Variants in CAPRIN1 observed in about 807,000 individuals in gnomAD.
The protein encoded by CAPRIN1 is cell cycle associated protein 1, also known as caprin-1.
In CAPRIN1, 29 loss-of-function variants were observed where a neutral mutation model predicts 100.9. The observed-to-expected ratio is 0.29, with a 90% CI of 0.21 to 0.39. The LOEUF (loss-of-function observed/expected upper bound fraction) is 0.39. CAPRIN1 is among the 10% of genes least tolerant of loss of function. The pLI, the probability that CAPRIN1 is intolerant of heterozygous loss-of-function variation, is 1.00. For missense variants in CAPRIN1, 795 were observed against 876.7 expected, an observed-to-expected ratio of 0.91 and a Z score of 1.18; for synonymous variants, 338 against 307.5, an observed-to-expected ratio of 1.10 and a Z score of -1.04.
Position 34,089,403 on chromosome 11 carries a change from G to C in CAPRIN1, c.1240G>C (p.Glu414Gln), listed in dbSNP as rs1851221397. 1 of 1,599,440 alleles carries C rather than the reference G, an allele frequency of 6.3e-7. No homozygotes were observed. The highest frequency in any genetic ancestry group is 8.5e-7 in the Non-Finnish European group (1 of 1,171,112). The change falls in exon 12 of 19, where the codon GAA becomes CAA. Residue 414 changes from glutamate to glutamine, a missense_variant. By Grantham distance (29) the Glu-to-Gln change is conservative. This residue lies in a region of CAPRIN1 where 648 missense variants were observed against 697.9 expected (regional missense o/e 0.93). Coordinates refer to ENST00000341394, the MANE Select transcript of CAPRIN1 (RefSeq NM_005898.5). The stretch of plus-strand genomic sequence containing the variant: ...TTTGGTCACCTTTGCAGTTCATTCT[G>C]AATCTAGACTTGCTCAGCCTAATCA... ...PQLVCPPVHS[E>Q]SRLAQPNQVP...
chr11:34,095,080 TG>T lies in CAPRIN1; in HGVS notation c.1706-1398del. Among the ~76,000 whole-genome samples the T allele has an allele frequency of 3.9e-5, 6 of 152,042 alleles. 1 individual carries two copies. The highest frequency in any genetic ancestry group is 3.9e-4 in the Admixed American group (6 of 15,244). On this transcript the variant is annotated intron_variant, in intron 15 of 18. Transcript: ENST00000341394. ...TGTATTTTGTTGTTGTTGTTGTTGT[TG>T]AGATGGGGTCTCACTGTGTTGCCCA...
At chr11:34,059,953 T>C (rs1850540261) in intron 2 of CAPRIN1, among the ~76,000 whole-genome samples, 1 of 147,786 alleles carries the variant, frequency 6.8e-6, no homozygotes, top group Non-Finnish European at 1.5e-5. Context: ...CTCAGCACTT[T>C]GGGAGGCTGA....
intron 18 of CAPRIN1, 178 bp from the exon 19 acceptor site, chr11:34,099,125 A>G (rs1345074448): frequency 4.2e-6 from 6 of 1,437,242 alleles, no homozygotes; most frequent in South Asian, 1.5e-5. Context: ...AACATGAGCA[A>G]ATTTGCGCAT....
At chr11:34,053,304 GA>G (rs1850373451) in intron 2 of CAPRIN1, 1 of 257,898 alleles carries the variant, frequency 3.9e-6, no homozygotes, top group Non-Finnish European at 6.1e-6. Flanking sequence ...GTGTCCCCCC[GA>G]GCCTCAGGCT....
chr11:34,061,406 T>A (rs1343508041), intron 2 of CAPRIN1, among the ~76,000 whole-genome samples: 1 of 151,752 alleles, frequency 6.6e-6, no homozygotes, highest in South Asian at 2.1e-4. Context: ...CCAGGTTTCA[T>A]CATGTTGCCC....
At chr11:34,073,030 A>T (rs894766508) in intron 4 of CAPRIN1, among the ~76,000 whole-genome samples, 2 of 152,090 alleles carry the variant, frequency 1.3e-5, no homozygotes, top group Non-Finnish European at 2.9e-5. Flanking sequence ...GTGTAAGTAC[A>T]CTCCATGTTT....
intron 15 of CAPRIN1, chr11:34,095,777 T>G (rs1234792645): frequency 6.6e-6 from 1 of 152,244 alleles, no homozygotes; most frequent in Non-Finnish European, 1.5e-5. Flanking sequence ...TAGAACTCTG[T>G]CCATTGTGGA....
At chr11:34,080,332 G>T (rs904868474) in intron 7 of CAPRIN1, among the ~76,000 whole-genome samples, 10 of 151,914 alleles carry the variant, frequency 6.6e-5, no homozygotes, top group Non-Finnish European at 1.5e-4. Flanking sequence ...TAAACTGATA[G>T]ATAGTTCTTT....
At position 34,099,449 on chromosome 11, in the gene CAPRIN1, A is replaced by G. The variant is rs1029154237; in HGVS notation, c.*82A>G. ...TATGTTACCAGAAGAGTTATTATCT[A>G]TTTGTTCTCCCTTTCAGGAAACTTA... On this transcript the variant is annotated 3_prime_UTR_variant, in exon 19 of 19. Transcript: ENST00000341394. 4 of 1,173,972 alleles carry G rather than the reference A, an allele frequency of 3.4e-6. No homozygotes were observed. The highest frequency in any genetic ancestry group is 1.5e-5 in the African/African-American group (1 of 66,256). 72.7% of individuals were successfully genotyped at this position (1,173,972 alleles called of 1,614,324 possible). A position where few individuals can be genotyped will look rare whatever the true frequency, so the allele number is the denominator to read the frequency against.
intron 4 of CAPRIN1, among the ~76,000 whole-genome samples, chr11:34,074,780 C>T (rs1310097782): frequency 1.3e-5 from 2 of 152,160 alleles, no homozygotes; most frequent in Admixed American, 6.5e-5. Context: ...GAGGCTGAGG[C>T]AGCAGAATTA....
At position 34,090,305 on chromosome 11, in the gene CAPRIN1, G is replaced by A. The variant is rs781770929; in HGVS notation, c.1404+16G>A. Reference sequence around the variant, plus strand: ...TCAGATTCAGGCAAGTTCTGTTACCGGGTCACATACATTTGATGAGGCACT... The same window carrying A: ...TCAGATTCAGGCAAGTTCTGTTACCAGGTCACATACATTTGATGAGGCACT... On this transcript the variant is annotated intron_variant, in intron 13 of 18. Coordinates refer to ENST00000341394, the MANE Select transcript of CAPRIN1 (RefSeq NM_005898.5). The A allele has an allele frequency of 6.5e-6, 10 of 1,537,010 alleles. No homozygotes were observed. The highest frequency in any genetic ancestry group is 2.2e-5 in the East Asian group (1 of 44,476).
At chr11:34,061,257 AGTAC>A (rs1850572209) in intron 2 of CAPRIN1, among the ~76,000 whole-genome samples, 1 of 122,822 alleles carries the variant, frequency 8.1e-6, no homozygotes, top group Non-Finnish European at 1.6e-5. Flanking sequence ...CCCAGGCTGG[AGTAC>A]AATGGCGCAA....
chr11:34,061,200 C>CTTTTTTTT (rs770158492), intron 2 of CAPRIN1, among the ~76,000 whole-genome samples: 2 of 102,836 alleles, frequency 1.9e-5, no homozygotes, highest in Admixed American at 1.0e-4. Flanking sequence ...AGGTAACATC[C>CTTTTTTTT]TTTTTTTTTT....
At position 34,086,296 on chromosome 11, in the gene CAPRIN1, A is replaced by G; in HGVS notation, c.1123-9A>G. The G allele has an allele frequency of 9.3e-6, 15 of 1,608,794 alleles. No homozygotes were observed. Among genetic ancestry groups the G allele is most frequent in the Non-Finnish European group, 1.3e-5 (15 of 1,175,446 alleles). ...ATTTGACTTTATTCTATCCTAACTT[A>G]ACCTGTAGGATTCAATGCTGGATTT... On this transcript the variant is annotated splice_polypyrimidine_tract_variant and intron_variant, in intron 10 of 18. Coordinates refer to ENST00000341394, the MANE Select transcript of CAPRIN1 (RefSeq NM_005898.5).
chr11:34,058,416 C>T (rs922738674), intron 2 of CAPRIN1, among the ~76,000 whole-genome samples: 3 of 152,194 alleles, frequency 2.0e-5, no homozygotes, highest in African/African-American at 4.8e-5. Flanking sequence ...GGATTACAGG[C>T]GTGAGCCACC....
intron 2 of CAPRIN1, among the ~76,000 whole-genome samples, chr11:34,066,898 C>T (rs571125269): frequency 2.3e-4 from 34 of 150,806 alleles, no homozygotes; most frequent in African/African-American, 7.6e-4. Flanking sequence ...TCCCGAAGTG[C>T]TAGCATTACA....
At chr11:34,078,266 GAT>G (rs1165465673) in intron 6 of CAPRIN1, among the ~76,000 whole-genome samples, 3 of 152,240 alleles carry the variant, frequency 2.0e-5, no homozygotes, top group African/African-American at 7.2e-5. Flanking sequence ...AGTTTATTAA[GAT>G]TAATTTCCCA....
At chr11:34,053,218 A>G (rs1453552072) in intron 2 of CAPRIN1, 1 of 929,214 alleles carries the variant, frequency 1.1e-6, no homozygotes, top group Non-Finnish European at 1.3e-6. Context: ...CCCATTTTGA[A>G]TGGGTCTTCG....
In CAPRIN1 at chr11:34,074,082, G is replaced by C. The variant is rs768493150; in HGVS notation, c.366+2095G>C. Among the ~76,000 whole-genome samples the C allele has an allele frequency of 2.6e-5, 4 of 152,140 alleles. No homozygotes were observed. In the East Asian group the frequency reaches 5.8e-4, roughly 22 times the overall value. ...AGGCCCACCCTCCCAACACTATTGC[G>C]TTGGGAGGGTTAAGTTTCTAACACT... On this transcript the variant is annotated intron_variant, in intron 4 of 18. Transcript: ENST00000341394.
Sources: allele counts gnomAD v4.1 joint callset (sites outside exome capture counted in the v4.1 genomes callset), GRCh38; gene constraint gnomAD v4.1.1; regional missense constraint gnomAD v4.1.1; transcripts MANE v1.5; gene names NCBI Gene and HGNC (gene_info 2026-07-23, HGNC 2026-07-21).